AMOTL1: variants seen among roughly 807,000 people sequenced by gnomAD.
AMOTL1 encodes the protein angiomotin like 1.
A neutral mutation model predicts 102.9 loss-of-function variants in AMOTL1; 45 were observed. The ratio of observed to expected loss-of-function variants is 0.44; its 90% CI spans 0.34 to 0.56. The LOEUF (loss-of-function observed/expected upper bound fraction) is 0.56. AMOTL1 is among the 20% of genes least tolerant of loss of function. AMOTL1 has a pLI of 0.01. For missense variants in AMOTL1, 1,114 were observed against 1,225.6 expected, an observed-to-expected ratio of 0.91 and a Z score of 1.36; for synonymous variants, 481 against 484.7, an observed-to-expected ratio of 0.99 and a Z score of 0.10.
intron 1 of AMOTL1, among the ~76,000 whole-genome samples, chr11:94,714,912 G>A (rs1029003054): frequency 6.6e-6 from 1 of 151,566 alleles, no homozygotes; most frequent in Non-Finnish European, 1.5e-5. Context: ...GCTTGACTTC[G>A]GTATATTTTG....
At position 94,830,959 on chromosome 11, in the gene AMOTL1, G is replaced by T. The variant is rs962221508; in HGVS notation, c.1559-493G>T. ...TTGAATAATTAAAGATTTACCAAGTGGTTTGAGCAAACATAGAACTTGCTG... is the reference window on the plus strand; with the variant it reads ...TTGAATAATTAAAGATTTACCAAGTTGTTTGAGCAAACATAGAACTTGCTG... On this transcript the variant is annotated intron_variant, in intron 5 of 12. Transcript: ENST00000433060. Among the ~76,000 whole-genome samples, 31 of 152,162 alleles carry T rather than the reference G, an allele frequency of 2.0e-4. 1 individual carries two copies. The highest frequency in any genetic ancestry group is 7.5e-4 in the African/African-American group (31 of 41,440).
intron 6 of AMOTL1, among the ~76,000 whole-genome samples, chr11:94,835,587 A>G (rs976673618): frequency 2.0e-5 from 3 of 152,220 alleles, no homozygotes; most frequent in Non-Finnish European, 2.9e-5. Context: ...TTAAATAGTT[A>G]TGTTGGAGCT....
intron 3 of AMOTL1, among the ~76,000 whole-genome samples, chr11:94,810,593 TG>T (rs1407792324): frequency 6.6e-6 from 1 of 152,004 alleles, no homozygotes; most frequent in African/African-American, 2.4e-5. Context: ...TTTACACTCT[TG>T]GGGTTCCATA....
intron 9 of AMOTL1, among the ~76,000 whole-genome samples, chr11:94,861,832 A>C (rs1383659603): frequency 1.3e-5 from 2 of 152,108 alleles, no homozygotes; most frequent in African/African-American, 2.4e-5. Flanking sequence ...TATGAATGGG[A>C]CTAGAAAGTA....
At chr11:94,776,296 C>G (rs1259812999) in intron 1 of AMOTL1, among the ~76,000 whole-genome samples, 1 of 152,224 alleles carries the variant, frequency 6.6e-6, no homozygotes, top group Non-Finnish European at 1.5e-5. Context: ...TCCAGTCAGT[C>G]TTTAGGTCCT....
intron 3 of AMOTL1, among the ~76,000 whole-genome samples, chr11:94,743,182 A>G (rs978692595): frequency 9.2e-5 from 14 of 152,158 alleles, no homozygotes; most frequent in Admixed American, 2.6e-4. Flanking sequence ...CATGTTAACT[A>G]GCCTCAGTTT....
intron 3 of AMOTL1, among the ~76,000 whole-genome samples, chr11:94,802,921 A>G (rs1354478237): frequency 6.6e-6 from 1 of 152,202 alleles, no homozygotes; most frequent in East Asian, 1.9e-4. Flanking sequence ...TTTCACTGAC[A>G]CATTATCTTG....
intron 2 of AMOTL1, among the ~76,000 whole-genome samples, chr11:94,739,629 G>A (rs1259972234): frequency 6.6e-6 from 1 of 152,182 alleles, no homozygotes; most frequent in Non-Finnish European, 1.5e-5. Context: ...GCCCCCAGGA[G>A]GCTGCCCAGA....
chr11:94,742,161 C>T (rs1288545049), intron 3 of AMOTL1, among the ~76,000 whole-genome samples: 2 of 152,210 alleles, frequency 1.3e-5, no homozygotes, highest in Non-Finnish European at 2.9e-5. Context: ...ACATCTCTAT[C>T]AGTGGAATTG....
chr11:94,718,807 C>T (rs192462568), intron 1 of AMOTL1, among the ~76,000 whole-genome samples: 168 of 151,774 alleles, frequency 1.1e-3, no homozygotes, highest in Non-Finnish European at 1.8e-3. Flanking sequence ...CTTTTGTATA[C>T]GTTATAAATT....
intron 6 of AMOTL1, among the ~76,000 whole-genome samples, chr11:94,846,658 A>T (rs1397464804): frequency 6.6e-6 from 1 of 152,232 alleles, no homozygotes; most frequent in Non-Finnish European, 1.5e-5. Context: ...GTGCAATAGT[A>T]AACTGTGTTA....
intron 7 of AMOTL1, among the ~76,000 whole-genome samples, chr11:94,851,542 T>G (rs191373): frequency 0.14 from 21,265 of 152,170 alleles, 3,278 homozygotes; most frequent in African/African-American, 0.38. Flanking sequence ...GTTCAGATAC[T>G]GAGAGCCTAC....
Position 94,854,117 on chromosome 11 carries a change from G to C in AMOTL1, c.1944+35G>C, listed in dbSNP as rs1273279746. The C allele has an allele frequency of 4.7e-6, 7 of 1,494,068 alleles. No homozygotes were observed. In the Admixed American group the frequency reaches 1.6e-4, roughly 34 times the overall value. The allele number at this position is 1,494,068 out of a possible 1,614,324, so 92.6% of individuals were successfully genotyped here. On this transcript the variant is annotated intron_variant, in intron 8 of 12. Transcript: ENST00000433060. ...TGGGCATGGACTGGTGAAAGAATTAGATATGTTCACTCAGCAAACGTATGG... is the reference window on the plus strand; with the variant it reads ...TGGGCATGGACTGGTGAAAGAATTACATATGTTCACTCAGCAAACGTATGG...
At chr11:94,790,221 T>C (rs1490913216) in intron 1 of AMOTL1, among the ~76,000 whole-genome samples, 1 of 152,192 alleles carries the variant, frequency 6.6e-6, no homozygotes, top group African/African-American at 2.4e-5. Flanking sequence ...GTAAGAAGCA[T>C]ATGTCTTACA....
At chr11:94,792,447 C>T (rs1278624643) in intron 1 of AMOTL1, among the ~76,000 whole-genome samples, 1 of 152,208 alleles carries the variant, frequency 6.6e-6, no homozygotes. Context: ...TGCACATGTA[C>T]CCTAGAATTT....
At chr11:94,709,506 C>G (rs573945603) in intron 1 of AMOTL1, among the ~76,000 whole-genome samples, 2 of 152,246 alleles carry the variant, frequency 1.3e-5, no homozygotes, top group African/African-American at 2.4e-5. Context: ...TACAAGCTGG[C>G]CCAAGCCCAT....
At chr11:94,760,387 A>G (rs1387040681) in intron 3 of AMOTL1, among the ~76,000 whole-genome samples, 1 of 152,238 alleles carries the variant, frequency 6.6e-6, no homozygotes, top group East Asian at 1.9e-4. Flanking sequence ...GGAGACAAGT[A>G]ACATTCCTAA....
chr11:94,864,584 A>G lies in AMOTL1; in HGVS notation c.2136-151A>G. 4.8e-6 allele frequency: 5 copies of G among 1,036,582 alleles called. No individual in the cohort carries two copies. The East Asian group carries it at 1.3e-4, about 28-fold the overall frequency. The allele number at this position is 1,036,582 out of a possible 1,614,324, so 64.2% of individuals were successfully genotyped here. ...ATGAGATTGATAACTGAGCTGGGGA[A>G]ATTGGGAGGGAAAGGCTTCATGAGC... On this transcript the variant is annotated intron_variant, in intron 9 of 12. Transcript: ENST00000433060.
At chr11:94,776,164 G>T (rs1951023960) in intron 1 of AMOTL1, among the ~76,000 whole-genome samples, 1 of 152,168 alleles carries the variant, frequency 6.6e-6, no homozygotes, top group Non-Finnish European at 1.5e-5. Flanking sequence ...GGCAGCTGGC[G>T]CTTGTTCATC....
Sources: gnomAD v4.1 joint callset for allele counts (sites outside exome capture counted in the v4.1 genomes callset) on GRCh38, gnomAD v4.1.1 for gene constraint, MANE v1.5 for transcripts, NCBI Gene and HGNC (gene_info 2026-07-23, HGNC 2026-07-21) for gene names.